FGGY: variants seen among roughly 807,000 people sequenced by gnomAD.
FGGY encodes FGGY carbohydrate kinase domain containing.
FGGY carries 72 observed loss-of-function variants against 71.3 expected under a neutral mutation model. The ratio of observed to expected loss-of-function variants is 1.01; its 90% CI spans 0.84 to 1.23. FGGY has a LOEUF of 1.23. Among genes scored for constraint, FGGY ranks in the 50% most tolerant of loss-of-function variants. FGGY has a pLI of 0.00. For synonymous variants in FGGY, 251 were observed against 250.3 expected, an observed-to-expected ratio of 1.00 and a Z score of -0.02; for missense variants, 668 against 682.3, an observed-to-expected ratio of 0.98 and a Z score of 0.23.
intron 1 of FGGY, among the ~76,000 whole-genome samples, chr1:59,317,882 T>C (rs950045867): frequency 7.2e-5 from 11 of 152,218 alleles, no homozygotes; most frequent in Admixed American, 5.2e-4. Flanking sequence ...TAATAAGTTA[T>C]AGAAATCCAT....
intron 8 of FGGY, among the ~76,000 whole-genome samples, chr1:59,577,550 CA>C (rs942367303): frequency 1.3e-5 from 2 of 151,004 alleles, no homozygotes; most frequent in Non-Finnish European, 2.9e-5. Context: ...AGTTTACCTG[CA>C]AAAAAACAGT....
chr1:59,388,536 A>G (rs1571460951), intron 5 of FGGY, among the ~76,000 whole-genome samples: 2 of 151,982 alleles, frequency 1.3e-5, no homozygotes, highest in Admixed American at 1.3e-4. Flanking sequence ...AGAAACTTGC[A>G]CCTTAATACG....
rs149640444 is a variant in FGGY, at chr1:59,550,257, A to C, written c.800-3867A>C. 2.2e-4 allele frequency among the ~76,000 whole-genome samples: 33 copies of C among 152,192 alleles called. No homozygotes were observed. The East Asian group carries it at 4.4e-3, about 20-fold the overall frequency. ...TCCTGATGTACACATGCAGCCTGTGAGTTCTCTGTGGATGGCAAAATATGT... is the reference window on the plus strand; with the variant it reads ...TCCTGATGTACACATGCAGCCTGTGCGTTCTCTGTGGATGGCAAAATATGT... On this transcript the variant is annotated intron_variant, in intron 7 of 15. Coordinates refer to ENST00000303721, the MANE Select transcript of FGGY (RefSeq NM_018291.5).
intron 14 of FGGY, among the ~76,000 whole-genome samples, chr1:59,709,493 C>T (rs988789204): frequency 6.6e-6 from 1 of 151,880 alleles, no homozygotes; most frequent in Admixed American, 6.6e-5. Flanking sequence ...CACACACACA[C>T]ACACACACTG....
chr1:59,423,522 A>G (rs543795676), intron 5 of FGGY, among the ~76,000 whole-genome samples: 3 of 152,264 alleles, frequency 2.0e-5, no homozygotes, highest in Admixed American at 2.0e-4. Flanking sequence ...TGGTCTTCCT[A>G]TCTGCAGCCT....
At chr1:59,615,001 G>A (rs1423866794) in intron 9 of FGGY, among the ~76,000 whole-genome samples, 5 of 152,116 alleles carry the variant, frequency 3.3e-5, no homozygotes, top group Admixed American at 6.5e-5. Context: ...AATAAAAGAG[G>A]ACACAAACAA....
chr1:59,573,479 C>A (rs1372831500), intron 8 of FGGY, among the ~76,000 whole-genome samples: 5 of 151,722 alleles, frequency 3.3e-5, no homozygotes, highest in African/African-American at 1.2e-4. Flanking sequence ...TATATACACA[C>A]ATGTATGTTC....
At chr1:59,668,721 G>A (rs377189396) in intron 13 of FGGY, among the ~76,000 whole-genome samples, 1 of 152,148 alleles carries the variant, frequency 6.6e-6, no homozygotes, top group Non-Finnish European at 1.5e-5. Flanking sequence ...GGTGGCTCAC[G>A]CCTGTGATCC....
rs79765243 is a variant in FGGY at position 59,312,278 on chromosome 1, T to A, written c.-14-9258T>A. ...TTAATTAGTTCCCATCTGTCAATTT[T>A]GGCATTTTTTTGCAATTGCTTCTGG... On this transcript the variant is annotated intron_variant, in intron 1 of 15. Transcript: ENST00000303721. 3.7e-3 allele frequency among the ~76,000 whole-genome samples: 566 copies of A among 152,356 alleles called. 5 individuals are homozygous for A. Among genetic ancestry groups the A allele is most frequent in the Admixed American group, 0.011 (162 of 15,308 alleles).
At chr1:59,546,529 G>GATTATTATT (rs1491122158) in intron 7 of FGGY, among the ~76,000 whole-genome samples, 149 of 91,666 alleles carry the variant, frequency 1.6e-3, no homozygotes, top group African/African-American at 7.0e-3. Flanking sequence ...TGATGATGAT[G>GATTATTATT]ATGATGATTA....
At chr1:59,590,001 T>A (rs1249748421) in intron 8 of FGGY, among the ~76,000 whole-genome samples, 1 of 152,016 alleles carries the variant, frequency 6.6e-6, no homozygotes, top group African/African-American at 2.4e-5. Context: ...ATCTAGGAGC[T>A]GGTTTTTTGA....
At chr1:59,403,579 T>C (rs1391718749) in intron 5 of FGGY, among the ~76,000 whole-genome samples, 1 of 152,156 alleles carries the variant, frequency 6.6e-6, no homozygotes, top group Non-Finnish European at 1.5e-5. Flanking sequence ...TGATCAAGAA[T>C]CTGCCAGGTG....
At chr1:59,477,905 A>G (rs1021273228) in intron 6 of FGGY, among the ~76,000 whole-genome samples, 2 of 152,168 alleles carry the variant, frequency 1.3e-5, no homozygotes, top group African/African-American at 4.8e-5. Context: ...GTAGAGATCT[A>G]TTGTTGACTC....
chr1:59,667,462 C>A, intron 13 of FGGY, 59 bp downstream of exon 13: 1 of 1,595,582 alleles, frequency 6.3e-7, no homozygotes, highest in Non-Finnish European at 8.5e-7. Context: ...ATGGGCATGG[C>A]CAAGTTCTGG....
chr1:59,525,990 C>T (rs564185447), intron 7 of FGGY, among the ~76,000 whole-genome samples: 9 of 152,064 alleles, frequency 5.9e-5, no homozygotes, highest in South Asian at 4.2e-4. Flanking sequence ...TGTCTGAATG[C>T]GTGTGTGTAT....
At chr1:59,428,788 T>C (rs1214272838) in intron 5 of FGGY, among the ~76,000 whole-genome samples, 1 of 152,172 alleles carries the variant, frequency 6.6e-6, no homozygotes, top group African/African-American at 2.4e-5. Context: ...ACCTCCGAAG[T>C]CTATGATGGC....
At chr1:59,374,147 C>T (rs2058226404) in intron 4 of FGGY, among the ~76,000 whole-genome samples, 1 of 152,132 alleles carries the variant, frequency 6.6e-6, no homozygotes, top group Admixed American at 6.5e-5. Context: ...TTTTCACAAC[C>T]TACTCATCTG....
intron 6 of FGGY, among the ~76,000 whole-genome samples, chr1:59,489,316 T>C (rs1211023908): frequency 1.3e-5 from 2 of 152,142 alleles, no homozygotes; most frequent in Admixed American, 6.6e-5. Flanking sequence ...CTAGAACTTA[T>C]TACTCGCATC....
In FGGY at chr1:59,758,012, A is replaced by T. The variant is rs760734662; in HGVS notation, c.1574+20A>T. 3.8e-6 allele frequency: 6 copies of T among 1,578,768 alleles called. No homozygotes were observed. In the South Asian group the frequency reaches 6.7e-5, roughly 18 times the overall value. ...TAAAAAGTAAGTGTGTATTTTTTAT[A>T]TGTACAGTGCTAAGGAAGTGAGCAC... On this transcript the variant is annotated intron_variant, in intron 15 of 15. Coordinates refer to ENST00000303721, the MANE Select transcript of FGGY (RefSeq NM_018291.5).
Sources: allele counts gnomAD v4.1 joint callset (sites outside exome capture counted in the v4.1 genomes callset), GRCh38; gene constraint gnomAD v4.1.1; transcripts MANE v1.5; gene names NCBI Gene and HGNC (gene_info 2026-07-23, HGNC 2026-07-21).